PLEKHG3: variants seen among roughly 807,000 people sequenced by gnomAD.
PLEKHG3 encodes the protein pleckstrin homology domain-containing family G member 3.
PLEKHG3 carries 62 observed loss-of-function variants against 94.9 expected under a neutral mutation model. That is an observed-to-expected ratio of 0.65 (90% confidence interval 0.53 to 0.81). The LOEUF is 0.81. PLEKHG3 is among the 30% of genes least tolerant of loss of function. PLEKHG3 has a pLI of 0.00. For synonymous variants in PLEKHG3, 614 were observed against 654.0 expected, an observed-to-expected ratio of 0.94 and a Z score of 0.93; for missense variants, 1,461 against 1,619.3, an observed-to-expected ratio of 0.90 and a Z score of 1.68.
rs2081817425 is a variant in PLEKHG3 at position 64,745,469 on chromosome 14, T to A, written c.*1766T>A. ...TCAGAGGGACCCAGATTCTTTTTTA[T>A]CCCCCACTTGAAACGGAGTCTTGCT... On this transcript the variant is annotated 3_prime_UTR_variant, in exon 17 of 17. Coordinates refer to ENST00000247226, the MANE Select transcript of PLEKHG3 (RefSeq NM_001308147.2). The surrounding 1 kb of genome is among the most constrained non-coding windows in gnomAD (Gnocchi z 5.0). The A allele has an allele frequency of 6.6e-6, 1 of 152,260 alleles. No individual in the cohort carries two copies. The highest frequency in any genetic ancestry group is 1.5e-5 in the Non-Finnish European group (1 of 68,118). 9.4% of individuals were successfully genotyped at this position (152,260 alleles called of 1,614,324 possible).
chr14:64,722,750 G>A lies in PLEKHG3; in HGVS notation c.-39-4843G>A, dbSNP rs1200148667. Among the ~76,000 whole-genome samples, 1 of 152,170 alleles carries A rather than the reference G, an allele frequency of 6.6e-6. No homozygotes were observed. The highest frequency in any genetic ancestry group is 2.1e-4 in the South Asian group (1 of 4,828). On this transcript the variant is annotated intron_variant, in intron 1 of 16. Transcript: ENST00000247226. The surrounding 1 kb of genome is among the most constrained non-coding windows in gnomAD (Gnocchi z 4.3). ...GGGGAGTCTGGTGTGCCCACCAGAG[G>A]GTTCACCCCCAAGTGTCCTCTTCCC...
intron 12 of PLEKHG3, among the ~76,000 whole-genome samples, chr14:64,735,965 C>T (rs1006096136): frequency 2.0e-5 from 3 of 152,236 alleles, no homozygotes; most frequent in South Asian, 2.1e-4. Flanking sequence ...TACATTGATA[C>T]AGATAGTGTA....
rs901983270 is a variant in PLEKHG3, at chr14:64,749,174, TGGGGCCCG to T, written c.*5481_*5488del. ...CGAAGGCAGCTTTTGCAGTGCAGCGTGGGGCCCGGGGGCCCGGCCCGCGACTCGACTCA... is the reference window on the plus strand; with the variant it reads ...CGAAGGCAGCTTTTGCAGTGCAGCGTGGGGCCCGGCCCGCGACTCGACTCA... On this transcript the variant is annotated 3_prime_UTR_variant, in exon 17 of 17. Transcript: ENST00000247226. This position sits in a 1 kb window ranked among gnomAD's most constrained non-coding sequence, Gnocchi z 4.7. 8.9e-6 allele frequency: 10 copies of T among 1,122,586 alleles called. No homozygotes were observed. Among genetic ancestry groups the T allele is most frequent in the African/African-American group, 7.9e-5 (5 of 63,506 alleles). 69.5% of individuals were successfully genotyped at this position (1,122,586 alleles called of 1,614,324 possible).
chr14:64,724,146 T>G (rs948494769), intron 1 of PLEKHG3, among the ~76,000 whole-genome samples: 1 of 152,032 alleles, frequency 6.6e-6, no homozygotes, highest in Non-Finnish European at 1.5e-5. Flanking sequence ...GGAGGCACTT[T>G]AACTGTCTCT....
rs2081891195 is a variant in PLEKHG3, at chr14:64,748,820, C to T, written c.*5117C>T. The T allele has an allele frequency of 6.1e-6, 1 of 164,646 alleles. No individual in the cohort carries two copies. Among genetic ancestry groups the T allele is most frequent in the Non-Finnish European group, 1.3e-5 (1 of 77,232 alleles). 10.2% of individuals were successfully genotyped at this position (164,646 alleles called of 1,614,324 possible). On this transcript the variant is annotated 3_prime_UTR_variant, in exon 17 of 17. Coordinates refer to ENST00000247226, the MANE Select transcript of PLEKHG3 (RefSeq NM_001308147.2). The stretch of plus-strand genomic sequence containing the variant: ...CCCCTAGGGGGCTGGCCATGCATTT[C>T]CAGTGTCTTCTTCCTTTCCCCTTTC...
intron 1 of PLEKHG3, among the ~76,000 whole-genome samples, chr14:64,710,930 A>T (rs1262203502): frequency 6.6e-6 from 1 of 152,106 alleles, no homozygotes; most frequent in East Asian, 1.9e-4. Flanking sequence ...CAGAGTCATC[A>T]AGAAAAGGTT....
At position 64,741,618 on chromosome 14, in the gene PLEKHG3, T is replaced by C. The variant is rs1423779026; in HGVS notation, c.2101T>C (p.Ser701Pro). 2 of 1,612,908 alleles carry C rather than the reference T, an allele frequency of 1.2e-6. No individual in the cohort carries two copies. Among genetic ancestry groups the C allele is most frequent in the South Asian group, 2.2e-5 (2 of 91,080 alleles). ...CTGCCCAGTGGAGCCTGACCGGTCT[T>C]CCTGCAAGAAGAAGGAATCAGCACT... ...PGCPVEPDRSSCKKKESALST... is the reference protein window; with the variant it reads ...PGCPVEPDRSPCKKKESALST... The change falls in exon 16 of 17, where the codon TCC becomes CCC. Residue 701 changes from serine (S) to proline (P), a missense_variant. By Grantham distance (74) the Ser-to-Pro change is moderately conservative (BLOSUM62 -1). This residue lies in a region of PLEKHG3 where 1,201 missense variants were observed against 1,295.5 expected (regional missense o/e 0.93). Coordinates refer to ENST00000247226, the MANE Select transcript of PLEKHG3 (RefSeq NM_001308147.2).
At position 64,743,467 on chromosome 14, in the gene PLEKHG3, C is replaced by G. The variant is rs766151904; in HGVS notation, c.3424C>G (p.Arg1142Gly). Residue 1142 changes from arginine (R) to glycine (G), a missense_variant, in exon 17 of 17, where the codon CGG becomes GGG. By Grantham distance (125) the Arg-to-Gly change is moderately radical. Around this residue, in one of 3 missense-constraint regions of PLEKHG3, gnomAD observed 1,201 missense variants for 1,295.5 expected, o/e 0.93. Transcript: ENST00000247226. The surrounding 1 kb of genome is among the most constrained non-coding windows in gnomAD (Gnocchi z 7.2). ...TGCAGACCTCACCCTGGAGGACAAC[C>G]GGCGGGTGATTGTCATGGAGAAGGG... Reference protein sequence around the residue: ...VTADLTLEDNRRVIVMEKGPL... With the variant: ...VTADLTLEDNGRVIVMEKGPL... 7 of 1,613,080 alleles carry G rather than the reference C, an allele frequency of 4.3e-6. No homozygotes were observed. The African/African-American group carries it at 5.3e-5, about 12-fold the overall frequency.
chr14:64,731,214 G>GGGC lies in PLEKHG3; in HGVS notation c.849+45_849+46insGGC. On this transcript the variant is annotated intron_variant, in intron 7 of 16. Coordinates refer to ENST00000247226, the MANE Select transcript of PLEKHG3 (RefSeq NM_001308147.2). The surrounding 1 kb of genome is among the most constrained non-coding windows in gnomAD (Gnocchi z 6.1). ...CTGGGGGAGGGGCAGGGCTGGGTGGGCCAGGCTTCCGCTGGGAAGAGGGAC... is the reference window on the plus strand; with the variant it reads ...CTGGGGGAGGGGCAGGGCTGGGTGGGGGCCCAGGCTTCCGCTGGGAAGAGGGAC... The GGGC allele has an allele frequency of 6.6e-7, 1 of 1,518,116 alleles. No homozygotes were observed. The highest frequency in any genetic ancestry group is 9.1e-7 in the Non-Finnish European group (1 of 1,102,010). 94.0% of individuals were successfully genotyped at this position (1,518,116 alleles called of 1,614,324 possible).
rs975902232 is a variant in PLEKHG3 at position 64,729,096 on chromosome 14, G to C, written c.449+3G>C. 4 of 1,382,432 alleles carry C rather than the reference G, an allele frequency of 2.9e-6. No individual in the cohort carries two copies. The African/African-American group carries it at 5.7e-5, about 20-fold the overall frequency. The allele number at this position is 1,382,432 out of a possible 1,614,324, so 85.6% of individuals were successfully genotyped here. On this transcript the variant is annotated splice_donor_region_variant and intron_variant, in intron 3 of 16. Transcript: ENST00000247226. The stretch of plus-strand genomic sequence containing the variant: ...GAAAATATCTACGCGCTGAACAGGT[G>C]TGTGAATGGGCCTGACACTCACCAT...
At position 64,738,905 on chromosome 14, in the gene PLEKHG3, A is replaced by AGATTTTCAAGTCT; in HGVS notation, c.1518+52_1518+64dup. ...GGATAGTAGGAAGAACTTGGAGTCCAGATTTTCAAGTCTGCAAATAGGGCT... is the reference window on the plus strand; with the variant it reads ...GGATAGTAGGAAGAACTTGGAGTCCAGATTTTCAAGTCTGATTTTCAAGTCTGCAAATAGGGCT... On this transcript the variant is annotated intron_variant, in intron 15 of 16. Coordinates refer to ENST00000247226, the MANE Select transcript of PLEKHG3 (RefSeq NM_001308147.2). The surrounding 1 kb of genome is among the most constrained non-coding windows in gnomAD (Gnocchi z 4.8). 1 of 1,203,264 alleles carries AGATTTTCAAGTCT rather than the reference A, an allele frequency of 8.3e-7. No homozygotes were observed. The highest frequency in any genetic ancestry group is 1.2e-6 in the Non-Finnish European group (1 of 829,254). 74.5% of individuals were successfully genotyped at this position (1,203,264 alleles called of 1,614,324 possible).
Position 64,715,961 on chromosome 14 carries a change from A to G in PLEKHG3, c.-40+11257A>G, listed in dbSNP as rs2081133900. On this transcript the variant is annotated intron_variant, in intron 1 of 16. Coordinates refer to ENST00000247226, the MANE Select transcript of PLEKHG3 (RefSeq NM_001308147.2). This position sits in a 1 kb window ranked among gnomAD's most constrained non-coding sequence, Gnocchi z 4.4. Reference sequence around the variant, plus strand: ...GAGGCGGCGGGCGCTTTAATTCCCGAGGCTGTTGGTGGCAGCTCGCTGCTC... The same window carrying G: ...GAGGCGGCGGGCGCTTTAATTCCCGGGGCTGTTGGTGGCAGCTCGCTGCTC... 4.5e-6 allele frequency: 2 copies of G among 446,428 alleles called. No homozygotes were observed. The highest frequency in any genetic ancestry group is 4.0e-5 in the African/African-American group (2 of 49,554). 27.7% of individuals were successfully genotyped at this position (446,428 alleles called of 1,614,324 possible).
rs531365356 is a variant in PLEKHG3, at chr14:64,745,130, A to G, written c.*1427A>G. ...GAAATGTCCTAAAGGTGTCTGCAACATTGGATGAGGAGTACAAGTGCATTT... is the reference window on the plus strand; with the variant it reads ...GAAATGTCCTAAAGGTGTCTGCAACGTTGGATGAGGAGTACAAGTGCATTT... On this transcript the variant is annotated 3_prime_UTR_variant, in exon 17 of 17. Transcript: ENST00000247226. This position sits in a 1 kb window ranked among gnomAD's most constrained non-coding sequence, Gnocchi z 5.0. 2.0e-5 allele frequency: 3 copies of G among 152,328 alleles called. No individual in the cohort carries two copies. Among genetic ancestry groups the G allele is most frequent in the East Asian group, 3.9e-4 (2 of 5,170 alleles). 9.4% of individuals were successfully genotyped at this position (152,328 alleles called of 1,614,324 possible). A position where few individuals can be genotyped will look rare whatever the true frequency, so the allele number is the denominator to read the frequency against.
At chr14:64,729,594 A>G (rs1456971693) in intron 3 of PLEKHG3, among the ~76,000 whole-genome samples, 2 of 152,260 alleles carry the variant, frequency 1.3e-5, no homozygotes, top group African/African-American at 2.4e-5. Flanking sequence ...CCTGCCTGGG[A>G]CCACAGACTC....
rs143292884 is a variant in PLEKHG3, at chr14:64,718,707, T to C, written c.-39-8886T>C. 4.5e-3 allele frequency among the ~76,000 whole-genome samples: 688 copies of C among 152,312 alleles called. 7 individuals carry two copies. The highest frequency in any genetic ancestry group is 0.016 in the African/African-American group (661 of 41,550). Reference sequence around the variant, plus strand: ...CTGGGCTCTTTCATACACATTCTTCTGCTTTTCCTTTTTTTGATATTCCTC... The same window carrying C: ...CTGGGCTCTTTCATACACATTCTTCCGCTTTTCCTTTTTTTGATATTCCTC... On this transcript the variant is annotated intron_variant, in intron 1 of 16. Coordinates refer to ENST00000247226, the MANE Select transcript of PLEKHG3 (RefSeq NM_001308147.2). The surrounding 1 kb of genome is among the most constrained non-coding windows in gnomAD (Gnocchi z 5.0).
chr14:64,727,510 G>GCCCCCCCCCCCGGCCACCCT lies in PLEKHG3; in HGVS notation c.-39-78_-39-77insCCCCCCGGCCACCCTCCCCC. The GCCCCCCCCCCCGGCCACCCT allele has an allele frequency of 3.5e-6, 1 of 282,710 alleles. No individual in the cohort carries two copies. Among genetic ancestry groups the GCCCCCCCCCCCGGCCACCCT allele is most frequent in the Non-Finnish European group, 6.7e-6 (1 of 149,818 alleles). The allele number at this position is 282,710 out of a possible 1,614,324, so 17.5% of individuals were successfully genotyped here. Reference sequence around the variant, plus strand: ...TAAATAATACCTTCCCACCCCACCTGCCCCCACCCCTGGCAACCGTCCCTC... The same window carrying GCCCCCCCCCCCGGCCACCCT: ...TAAATAATACCTTCCCACCCCACCTGCCCCCCCCCCCGGCCACCCTCCCCCACCCCTGGCAACCGTCCCTC... On this transcript the variant is annotated intron_variant, in intron 1 of 16. Coordinates refer to ENST00000247226, the MANE Select transcript of PLEKHG3 (RefSeq NM_001308147.2). The surrounding 1 kb of genome is among the most constrained non-coding windows in gnomAD (Gnocchi z 6.0).
rs368347267 is a variant in PLEKHG3 at position 64,735,466 on chromosome 14, T to C, written c.1346-1387T>C. On this transcript the variant is annotated intron_variant, in intron 12 of 16. Coordinates refer to ENST00000247226, the MANE Select transcript of PLEKHG3 (RefSeq NM_001308147.2). ...ATCTCTACAAAATTAAAAAGTTAGC[T>C]AGGCATGGTGGTGTGCACCTATAGT... is the stretch of plus-strand genomic sequence containing the variant. 4.7e-4 allele frequency among the ~76,000 whole-genome samples: 71 copies of C among 151,892 alleles called. No homozygotes were observed. The South Asian group carries it at 0.014, about 29-fold the overall frequency.
intron 1 of PLEKHG3, among the ~76,000 whole-genome samples, chr14:64,710,703 A>G (rs1427033758): frequency 6.6e-6 from 1 of 151,950 alleles, no homozygotes; most frequent in Non-Finnish European, 1.5e-5. Context: ...ATGAAAGAGG[A>G]TAAAGAAACA....
intron 12 of PLEKHG3, among the ~76,000 whole-genome samples, chr14:64,733,596 G>A (rs890762043): frequency 6.6e-6 from 1 of 152,158 alleles, no homozygotes; most frequent in Non-Finnish European, 1.5e-5. Context: ...CTTGGACATG[G>A]CGGATGGGCC....
Sources: gnomAD v4.1 joint callset for allele counts (sites outside exome capture counted in the v4.1 genomes callset) on GRCh38, gnomAD v4.1.1 for gene constraint, gnomAD v4.1.1 regional missense constraint, Gnocchi (gnomAD v3.1) non-coding constraint, MANE v1.5 for transcripts, NCBI Gene and HGNC (gene_info 2026-07-23, HGNC 2026-07-21) for gene names.